DOCK5: variants seen among roughly 807,000 people sequenced by gnomAD.
The protein encoded by DOCK5 is dedicator of cytokinesis protein 5.
A neutral mutation model predicts 251.8 loss-of-function variants in DOCK5; 142 were observed. The ratio of observed to expected loss-of-function variants is 0.56; its 90% CI spans 0.49 to 0.65. The LOEUF (loss-of-function observed/expected upper bound fraction) is 0.65. DOCK5 is among the 30% of genes least tolerant of loss of function. The pLI is 0.00. For missense variants in DOCK5, 2,111 were observed against 2,312.3 expected, an observed-to-expected ratio of 0.91 and a Z score of 1.79; for synonymous variants, 842 against 835.5, an observed-to-expected ratio of 1.01 and a Z score of -0.13.
chr8:25,246,752 G>T (rs1803127447), intron 2 of DOCK5, among the ~76,000 whole-genome samples: 1 of 143,136 alleles, frequency 7.0e-6, no homozygotes, highest in African/African-American at 2.8e-5. Context: ...GTGTGTGTGT[G>T]TGTGGCGGGG....
chr8:25,277,176 G>C (rs571226062), intron 4 of DOCK5: 1 of 154,066 alleles, frequency 6.5e-6, no homozygotes, highest in African/African-American at 2.4e-5. Context: ...ATGCAACATT[G>C]GTCTGTAACT....
At chr8:25,314,565 C>A in intron 13 of DOCK5, among the ~76,000 whole-genome samples, 1 of 131,220 alleles carries the variant, frequency 7.6e-6, no homozygotes, top group Non-Finnish European at 1.6e-5. Flanking sequence ...TCCACCCACC[C>A]ACCCACCCAT....
chr8:25,264,071 T>C (rs1239648258), intron 2 of DOCK5, among the ~76,000 whole-genome samples: 1 of 151,938 alleles, frequency 6.6e-6, no homozygotes, highest in Non-Finnish European at 1.5e-5. Flanking sequence ...TTGATTCATA[T>C]ATATCATTCG....
intron 1 of DOCK5, among the ~76,000 whole-genome samples, chr8:25,234,608 T>C (rs1230298587): frequency 6.6e-6 from 1 of 152,224 alleles, no homozygotes; most frequent in African/African-American, 2.4e-5. Context: ...GTACCTTTGA[T>C]ATTATATACA....
chr8:25,389,237 C>T lies in DOCK5; in HGVS notation c.4273+5C>T. Reference sequence around the variant, plus strand: ...TCAAGTCGTCCCCCAAGCAGTGTATCCTTTCCGGGGGGAGTATGGCCCCGA... The same window carrying T: ...TCAAGTCGTCCCCCAAGCAGTGTATTCTTTCCGGGGGGAGTATGGCCCCGA... On this transcript the variant is annotated splice_donor_5th_base_variant and intron_variant, in intron 41 of 51. Transcript: ENST00000276440. The T allele has an allele frequency of 1.2e-6, 2 of 1,612,770 alleles. No individual in the cohort carries two copies. Among genetic ancestry groups the T allele is most frequent in the Non-Finnish European group, 1.7e-6 (2 of 1,179,010 alleles).
At chr8:25,215,695 CAT>C (rs1302585031) in intron 1 of DOCK5, among the ~76,000 whole-genome samples, 1 of 152,026 alleles carries the variant, frequency 6.6e-6, no homozygotes, top group Non-Finnish European at 1.5e-5. Context: ...GATTAGAACA[CAT>C]CTCTTTTTTT....
intron 38 of DOCK5, 108 bp downstream of exon 38, chr8:25,377,532 A>T: frequency 7.3e-7 from 1 of 1,373,438 alleles, no homozygotes; most frequent in Non-Finnish European, 9.7e-7. Flanking sequence ...ACCCAGGTTC[A>T]GGGCACTGTC....
At chr8:25,331,635 G>C (rs1171541101) in intron 18 of DOCK5, among the ~76,000 whole-genome samples, 4 of 151,878 alleles carry the variant, frequency 2.6e-5, no homozygotes, top group Admixed American at 2.6e-4. Context: ...CAAGGAGTTG[G>C]TTTTTCAAAT....
chr8:25,318,173 C>G (rs1805311205), intron 14 of DOCK5, among the ~76,000 whole-genome samples: 2 of 152,132 alleles, frequency 1.3e-5, no homozygotes, highest in African/African-American at 4.8e-5. Context: ...GCTGCAACCT[C>G]TGCCTCCCAG....
intron 30 of DOCK5, 165 bp downstream of exon 30, chr8:25,364,869 A>G (rs931868997): frequency 5.6e-6 from 3 of 532,642 alleles, no homozygotes; most frequent in Admixed American, 6.8e-5. Flanking sequence ...CTGTCCTCCA[A>G]ACACAACAAA....
chr8:25,254,833 C>T (rs570590708), intron 2 of DOCK5, among the ~76,000 whole-genome samples: 2 of 112,286 alleles, frequency 1.8e-5, no homozygotes, highest in South Asian at 3.0e-4. Context: ...TTATCTAAAA[C>T]GTATAAAGAG....
intron 1 of DOCK5, among the ~76,000 whole-genome samples, chr8:25,225,583 G>A (rs539660352): frequency 1.3e-5 from 2 of 152,098 alleles, no homozygotes; most frequent in Admixed American, 6.6e-5. Context: ...GTGGGCACCT[G>A]TAGTCCCAGC....
intron 2 of DOCK5, among the ~76,000 whole-genome samples, chr8:25,267,541 A>C (rs1803789289): frequency 6.6e-6 from 1 of 152,202 alleles, no homozygotes; most frequent in Non-Finnish European, 1.5e-5. Context: ...CTATTGGCAG[A>C]TGCCAGAAGT....
intron 29 of DOCK5, among the ~76,000 whole-genome samples, chr8:25,363,666 G>A (rs1419944513): frequency 1.3e-5 from 2 of 152,160 alleles, no homozygotes; most frequent in Non-Finnish European, 2.9e-5. Context: ...TGAAATTATA[G>A]GGCTTTTGAT....
intron 1 of DOCK5, among the ~76,000 whole-genome samples, chr8:25,218,794 C>A (rs962639755): frequency 6.6e-6 from 1 of 152,216 alleles, no homozygotes; most frequent in East Asian, 1.9e-4. Flanking sequence ...AAGGCTAGAG[C>A]AGGAAGACAA....
rs1800473484 is a variant in DOCK5, at chr8:25,351,785, A to G, written c.2809A>G (p.Asn937Asp). The G allele has an allele frequency of 6.2e-7, 1 of 1,613,808 alleles. No individual in the cohort carries two copies. Among genetic ancestry groups the G allele is most frequent in the Non-Finnish European group, 8.5e-7 (1 of 1,179,868 alleles). The part of the protein sequence containing the change: ...LIMERLLRRI[N>D]RTVIGMNRQS... ...AATGGAACGGCTGCTGAGAAGGATC[A>G]ACCGGACAGTGATTGGGATGAACCG... Residue 937 changes from asparagine (N) to aspartate (D), a missense_variant, in exon 27 of 52, where the codon AAC becomes GAC. Asn to Asp is a conservative substitution (Grantham distance 23). Coordinates refer to ENST00000276440, the MANE Select transcript of DOCK5 (RefSeq NM_024940.8).
At chr8:25,205,929 G>T (rs1018716766) in intron 1 of DOCK5, among the ~76,000 whole-genome samples, 1 of 152,146 alleles carries the variant, frequency 6.6e-6, no homozygotes, top group Non-Finnish European at 1.5e-5. Context: ...TTCTGTTTGT[G>T]GGAAGTTTAT....
rs753460222 is a variant in DOCK5 at position 25,296,484 on chromosome 8, G to A, written c.471-29G>A. ...GTAAAAAGTCTGCCCCTGGTGAGGA[G>A]AACCAGCTGACTACTCCTTTCTCTC... On this transcript the variant is annotated intron_variant, in intron 6 of 51. Coordinates refer to ENST00000276440, the MANE Select transcript of DOCK5 (RefSeq NM_024940.8). 4.2e-5 allele frequency: 67 copies of A among 1,595,978 alleles called. No homozygotes were observed. The South Asian group carries it at 6.6e-4, about 16-fold the overall frequency.
intron 2 of DOCK5, among the ~76,000 whole-genome samples, chr8:25,265,506 G>C (rs1186121060): frequency 6.6e-6 from 1 of 151,618 alleles, no homozygotes; most frequent in African/African-American, 2.4e-5. Context: ...ATCTGTCCTT[G>C]GTCACCGTAT....
Sources: allele counts gnomAD v4.1 joint callset (sites outside exome capture counted in the v4.1 genomes callset), GRCh38; gene constraint gnomAD v4.1.1; transcripts MANE v1.5; gene names NCBI Gene and HGNC (gene_info 2026-07-23, HGNC 2026-07-21).